RGS5: variants seen among roughly 807,000 people sequenced by gnomAD.
RGS5 encodes regulator of G protein signaling 5, also known as regulator of G-protein signalling 5.
In RGS5, 20 loss-of-function variants were observed where a neutral mutation model predicts 18.9. The ratio of observed to expected loss-of-function variants is 1.06; its 90% CI spans 0.74 to 1.54. The LOEUF is 1.54. Among genes scored for constraint, RGS5 ranks in the 40% most tolerant of loss-of-function variants. The pLI is 0.00. For missense variants in RGS5, 201 were observed against 211.8 expected (o/e 0.95, Z 0.32); for synonymous variants, 57 against 76.2 (o/e 0.75, Z 1.31).
intron 1 of RGS5, among the ~76,000 whole-genome samples, chr1:163,172,959 C>CAT (rs1336020564): frequency 6.6e-6 from 1 of 152,146 alleles, no homozygotes; most frequent in Non-Finnish European, 1.5e-5. Flanking sequence ...GCCTCACAGA[C>CAT]ATATGAAAAT....
intron 2 of RGS5, among the ~76,000 whole-genome samples, chr1:163,165,997 G>A (rs951375818): frequency 5.9e-5 from 9 of 152,152 alleles, no homozygotes; most frequent in African/African-American, 9.7e-5. Context: ...ACAACAGTTC[G>A]GGTGAGGTAG....
chr1:163,224,751 T>C (rs1647297135), intron 2 of RGS5, among the ~76,000 whole-genome samples: 1 of 152,226 alleles, frequency 6.6e-6, no homozygotes, highest in Non-Finnish European at 1.5e-5. Context: ...AGTGAGGCGT[T>C]ATCTCATTCT....
At chr1:163,211,159 T>C (rs547545369) in intron 1 of RGS5, 3 of 152,226 alleles carry the variant, frequency 2.0e-5, no homozygotes, top group African/African-American at 7.2e-5. Flanking sequence ...TGTAAGAAAT[T>C]TGCTAGTGAA....
upstream of RGS5, among the ~76,000 whole-genome samples, chr1:163,219,900 C>T (rs1001325826): frequency 6.6e-6 from 1 of 152,048 alleles, no homozygotes; most frequent in African/African-American, 2.4e-5. Context: ...TTTTGGTGAA[C>T]ATATGGACTC....
intron 2 of RGS5, among the ~76,000 whole-genome samples, chr1:163,279,252 A>G (rs1648932472): frequency 6.6e-6 from 1 of 152,130 alleles, no homozygotes; most frequent in Non-Finnish European, 1.5e-5. Context: ...AACATTATAC[A>G]GGATAGACCA....
intron 2 of RGS5, among the ~76,000 whole-genome samples, chr1:163,247,219 C>T (rs1309563236): frequency 2.0e-5 from 3 of 152,124 alleles, no homozygotes; most frequent in East Asian, 1.9e-4. Context: ...TGCACATGTT[C>T]CCCCTAAACC....
At chr1:163,272,209 T>C (rs530683330) in intron 2 of RGS5, among the ~76,000 whole-genome samples, 2 of 152,204 alleles carry the variant, frequency 1.3e-5, no homozygotes, top group East Asian at 1.9e-4. Flanking sequence ...TTCTTTCATA[T>C]ATCTTTTTTG....
At chr1:163,152,780 T>C (rs937536180) in intron 3 of RGS5, 64 bp from the exon 4 acceptor site, 5 of 1,451,362 alleles carry the variant, frequency 3.4e-6, no homozygotes, top group Non-Finnish European at 3.7e-6. Context: ...ATTGTATCCA[T>C]GAGAGAAAGG....
chr1:163,253,563 G>C (rs1459186322), intron 2 of RGS5, among the ~76,000 whole-genome samples: 1 of 151,470 alleles, frequency 6.6e-6, no homozygotes, highest in Admixed American at 6.6e-5. Flanking sequence ...ACCCACCTCG[G>C]CCTGCCAAAG....
chr1:163,269,420 G>GC (rs2101710797), intron 2 of RGS5, among the ~76,000 whole-genome samples: 1 of 152,220 alleles, frequency 6.6e-6, no homozygotes, highest in African/African-American at 2.4e-5. Flanking sequence ...ACATAGCAGG[G>GC]CCAGAGGGGT....
At chr1:163,258,609 C>T (rs775367254) in intron 2 of RGS5, among the ~76,000 whole-genome samples, 2 of 151,920 alleles carry the variant, frequency 1.3e-5, no homozygotes. Flanking sequence ...CATCCACACC[C>T]TTGTCTTCAA....
intron 1 of RGS5, among the ~76,000 whole-genome samples, chr1:163,172,036 G>A (rs6675345): frequency 0.21 from 31,484 of 152,076 alleles, 5,520 homozygotes; most frequent in African/African-American, 0.48. Context: ...AAGAATGAGC[G>A]TTCCAGAGGG....
intron 2 of RGS5, among the ~76,000 whole-genome samples, chr1:163,261,061 A>G: frequency 6.6e-6 from 1 of 152,022 alleles, no homozygotes; most frequent in Non-Finnish European, 1.5e-5. Flanking sequence ...GAGGCCTCAA[A>G]TTCAGATGTG....
intron 1 of RGS5, among the ~76,000 whole-genome samples, chr1:163,184,400 CAAAAA>C (rs34214775): frequency 3.8e-5 from 4 of 105,050 alleles, no homozygotes; most frequent in Non-Finnish European, 6.4e-5. Flanking sequence ...CCCATCCCTC[CAAAAA>C]AAAAAAAAAA....
At chr1:163,296,528 A>T (rs902336628) in intron 2 of RGS5, among the ~76,000 whole-genome samples, 1 of 152,184 alleles carries the variant, frequency 6.6e-6, no homozygotes, top group African/African-American at 2.4e-5. Context: ...GACAACCTTC[A>T]TGCTTGTTGC....
intron 1 of RGS5, chr1:163,210,799 A>C (rs1351229807): frequency 2.6e-5 from 4 of 152,114 alleles, no homozygotes; most frequent in Non-Finnish European, 5.9e-5. Flanking sequence ...CTAGGATTTT[A>C]TCTTCTATGG....
Position 163,291,347 on chromosome 1 carries a change from G to C in RGS5, c.-281+14886C>G, listed in dbSNP as rs188969962. ...TTCAAGCTGCCCTTAAGTATTCCTG[G>C]GTTTATGGCAAGCTAACTTTGGGAG... On this transcript the variant is annotated intron_variant, in intron 2 of 5. Coordinates refer to the RGS5 transcript ENST00000618415. Among the ~76,000 whole-genome samples, 189 of 152,130 alleles carry C rather than the reference G, an allele frequency of 1.2e-3. 1 individual carries two copies. Among genetic ancestry groups the C allele is most frequent in the African/African-American group, 4.5e-3 (188 of 41,498 alleles).
intron 1 of RGS5, chr1:163,318,760 T>C (rs936624263): frequency 6.6e-6 from 1 of 151,702 alleles, no homozygotes; most frequent in Non-Finnish European, 1.5e-5. Context: ...GTTTAATCAA[T>C]GATACCAAAT....
chr1:163,149,842 C>T lies in RGS5; in HGVS notation c.385-2339G>A, dbSNP rs1657303075. 2.6e-5 allele frequency among the ~76,000 whole-genome samples: 4 copies of T among 152,198 alleles called. No homozygotes were observed. In the South Asian group the frequency reaches 8.3e-4, roughly 32 times the overall value. ...ATCAAAATTAAATAGTAAATATTTA[C>T]ATCAAAATACAAAAGTTGGAGAATT... On this transcript the variant is annotated intron_variant, in intron 4 of 4. Transcript: ENST00000313961.
Sources: allele counts gnomAD v4.1 joint callset (sites outside exome capture counted in the v4.1 genomes callset), GRCh38; gene constraint gnomAD v4.1.1; transcripts MANE v1.5; gene names NCBI Gene and HGNC (gene_info 2026-07-23, HGNC 2026-07-21).